The following MDGA2 variants were observed in gnomAD, a reference collection of about 807,000 sequenced individuals.
MDGA2 encodes MAM domain-containing glycosylphosphatidylinositol anchor protein 2.
Under a neutral mutation model 117.8 loss-of-function variants are expected in MDGA2, and 40 were observed. The ratio of observed to expected loss-of-function variants is 0.34; its 90% CI spans 0.26 to 0.44. The LOEUF (loss-of-function observed/expected upper bound fraction) is 0.44, where lower values mean the gene tolerates loss of function less well. Ranked by LOEUF, MDGA2 falls within the 20% of genes least tolerant of loss-of-function variation. MDGA2 has a pLI of 1.00. For missense variants in MDGA2, 1,123 were observed against 1,250.6 expected, an observed-to-expected ratio of 0.90 and a Z score of 1.54; for synonymous variants, 452 against 439.0, an observed-to-expected ratio of 1.03 and a Z score of -0.37.
rs568421218 is a variant in MDGA2, at chr14:47,317,610, G to T, written c.281-16060C>A. Among the ~76,000 whole-genome samples, 5 of 152,090 alleles carry T rather than the reference G, an allele frequency of 3.3e-5. No homozygotes were observed. The South Asian group carries it at 1.0e-3, about 32-fold the overall frequency. On this transcript the variant is annotated intron_variant, in intron 1 of 16. Coordinates refer to ENST00000399232, the MANE Select transcript of MDGA2 (RefSeq NM_001113498.3). The stretch of plus-strand genomic sequence containing the variant: ...TCAACACTAAATAAGCCTTCCCCTA[G>T]AAAGATCATGTTCTCCCATTAGTGA...
At chr14:47,392,461 G>A (rs1320818465) in intron 1 of MDGA2, among the ~76,000 whole-genome samples, 2 of 152,054 alleles carry the variant, frequency 1.3e-5, no homozygotes, top group South Asian at 2.1e-4. Context: ...CATGCAAGTA[G>A]GCCTTTGAGT....
chr14:46,961,988 G>T (rs1326221095), intron 8 of MDGA2, among the ~76,000 whole-genome samples: 1 of 152,038 alleles, frequency 6.6e-6, no homozygotes, highest in East Asian at 1.9e-4. Context: ...TTTTCTGTTG[G>T]TTTTCTTTCA....
chr14:47,246,470 C>G (rs759115560), intron 2 of MDGA2, among the ~76,000 whole-genome samples: 6 of 151,522 alleles, frequency 4.0e-5, no homozygotes, highest in Non-Finnish European at 8.9e-5. Context: ...TCAAAATGCT[C>G]GTGTATTAGA....
At chr14:47,047,854 C>G (rs1889319353) in intron 7 of MDGA2, among the ~76,000 whole-genome samples, 1 of 151,512 alleles carries the variant, frequency 6.6e-6, no homozygotes, top group Non-Finnish European at 1.5e-5. Flanking sequence ...AATTTTATTG[C>G]TGTTGTCTGT....
chr14:47,260,513 G>A (rs1372601322), intron 2 of MDGA2, among the ~76,000 whole-genome samples: 1 of 151,992 alleles, frequency 6.6e-6, no homozygotes. Flanking sequence ...TTTCTATAAT[G>A]TACCTGTTCT....
intron 9 of MDGA2, among the ~76,000 whole-genome samples, chr14:46,944,882 A>G (rs1398113573): frequency 2.0e-5 from 3 of 152,026 alleles, no homozygotes; most frequent in African/African-American, 7.2e-5. Context: ...TTCCCATAAT[A>G]CTTTGAAAAT....
At chr14:47,620,471 G>T (rs1336222254) in intron 1 of MDGA2, among the ~76,000 whole-genome samples, 1 of 152,166 alleles carries the variant, frequency 6.6e-6, no homozygotes, top group Admixed American at 6.5e-5. Flanking sequence ...TTGATTACAC[G>T]TGAATACTTT....
At chr14:47,295,852 C>T (rs1411377893) in intron 2 of MDGA2, among the ~76,000 whole-genome samples, 1 of 151,822 alleles carries the variant, frequency 6.6e-6, no homozygotes, top group Non-Finnish European at 1.5e-5. Flanking sequence ...TGCAGTTAGC[C>T]GAGATTGTGC....
At position 47,674,529 on chromosome 14, in the gene MDGA2, G is replaced by C. The variant is rs756120409; in HGVS notation, c.268C>G (p.Gln90Glu). ...CGATTCCACTCACCGTACACTCCTT[G>C]GCCAGAGATCCCCTCCAGGAGGACT... ...LTVLLEGISG[Q>E]GVYAPPTVRI... The change falls in exon 1 of 17, where the codon CAA becomes GAA. Residue 90 changes from glutamine to glutamate, a missense_variant. Transcript: ENST00000399232. The C allele has an allele frequency of 4.9e-5, 76 of 1,551,158 alleles. No homozygotes were observed. The highest frequency in any genetic ancestry group is 3.3e-4 in the Middle Eastern group (2 of 5,992).
chr14:47,080,006 C>T (rs1292698755), intron 6 of MDGA2, among the ~76,000 whole-genome samples: 1 of 152,152 alleles, frequency 6.6e-6, no homozygotes, highest in Admixed American at 6.5e-5. Context: ...GCTGGGATTA[C>T]AGGCGTGAGC....
chr14:46,939,731 T>C (rs1264445989), intron 9 of MDGA2, among the ~76,000 whole-genome samples: 2 of 152,190 alleles, frequency 1.3e-5, no homozygotes, highest in Non-Finnish European at 2.9e-5. Context: ...AAGATGGCAA[T>C]ATCCTTATCA....
intron 3 of MDGA2, among the ~76,000 whole-genome samples, chr14:47,189,871 CAATT>C (rs1885047103): frequency 6.6e-6 from 1 of 152,072 alleles, no homozygotes; most frequent in Non-Finnish European, 1.5e-5. Flanking sequence ...GAGATGGTGA[CAATT>C]AACACCTAAA....
chr14:46,994,468 G>A (rs1452138089), intron 8 of MDGA2, among the ~76,000 whole-genome samples: 1 of 151,742 alleles, frequency 6.6e-6, no homozygotes, highest in Non-Finnish European at 1.5e-5. Context: ...CTGGGCAGAA[G>A]TGCTTGGATG....
chr14:47,206,762 A>C (rs1425132537), intron 3 of MDGA2, among the ~76,000 whole-genome samples: 2 of 151,704 alleles, frequency 1.3e-5, no homozygotes, highest in Admixed American at 1.3e-4. Flanking sequence ...GGCAGTGTGC[A>C]CCTGGAGTCC....
At chr14:47,139,814 A>ATG (rs397797585) in intron 4 of MDGA2, among the ~76,000 whole-genome samples, 2 of 142,352 alleles carry the variant, frequency 1.4e-5, no homozygotes, top group African/African-American at 5.3e-5. Context: ...GTATATATAT[A>ATG]CACACATATA....
At chr14:47,585,061 AACAT>A (rs1177344124) in intron 1 of MDGA2, among the ~76,000 whole-genome samples, 1 of 151,902 alleles carries the variant, frequency 6.6e-6, no homozygotes, top group Non-Finnish European at 1.5e-5. Context: ...CCCAGACTCT[AACAT>A]ACTTTTAGAA....
intron 1 of MDGA2, among the ~76,000 whole-genome samples, chr14:47,551,064 C>T (rs993333045): frequency 7.2e-5 from 11 of 151,914 alleles, no homozygotes; most frequent in Non-Finnish European, 1.3e-4. Context: ...GGTGAAAGTA[C>T]TTATTAAAAT....
chr14:46,843,964 C>G (rs2138265109), intron 16 of MDGA2, among the ~76,000 whole-genome samples: 2 of 152,116 alleles, frequency 1.3e-5, no homozygotes, highest in East Asian at 3.9e-4. Flanking sequence ...TCATTTTTAA[C>G]AGGAATGATT....
intron 1 of MDGA2, among the ~76,000 whole-genome samples, chr14:47,534,795 C>T (rs1279595316): frequency 6.6e-6 from 1 of 152,160 alleles, no homozygotes; most frequent in African/African-American, 2.4e-5. Context: ...TAGACAATAT[C>T]AGATAACACA....
Sources: allele counts gnomAD v4.1 joint callset (sites outside exome capture counted in the v4.1 genomes callset), GRCh38; gene constraint gnomAD v4.1.1; transcripts MANE v1.5; gene names NCBI Gene and HGNC (gene_info 2026-07-23, HGNC 2026-07-21).